NCAPH2: variants seen among roughly 807,000 people sequenced by gnomAD.
The protein encoded by NCAPH2 is non-SMC condensin II complex subunit H2, also known as condensin-2 complex subunit H2.
NCAPH2 carries 56 observed loss-of-function variants against 88.6 expected under a neutral mutation model. The observed-to-expected ratio is 0.63, with a 90% confidence interval of 0.51 to 0.79. The LOEUF is 0.79. Ranked by LOEUF, NCAPH2 falls within the 30% of genes least tolerant of loss-of-function variation. NCAPH2 has a pLI of 0.00. For missense variants in NCAPH2, 794 were observed against 792.0 expected, an observed-to-expected ratio of 1.00 and a Z score of -0.03; for synonymous variants, 378 against 313.6, an observed-to-expected ratio of 1.21 and a Z score of -2.17.
chr22:50,521,665 A>G, intron 11 of NCAPH2, 56 bp downstream of exon 11: 1 of 1,479,248 alleles, frequency 6.8e-7, no homozygotes, highest in Non-Finnish European at 9.4e-7. Flanking sequence ...TTCCTGGGGC[A>G]TGAGGTGGGG....
At chr22:50,522,636 C>G in intron 16 of NCAPH2, 35 bp from the exon 17 acceptor site, 1 of 1,613,582 alleles carries the variant, frequency 6.2e-7, no homozygotes, top group East Asian at 2.2e-5. Flanking sequence ...GAGCGTGGCC[C>G]CTTAGCTGCC....
Position 50,522,526 on chromosome 22 carries a change from C to T in NCAPH2, c.1332C>T (p.Tyr444=). The part of the protein sequence containing the change: ...AADDFLEPEE[Y]MEPEGADPRE... Reference sequence around the variant, plus strand: ...ATGACTTTCTAGAGCCTGAGGAGTACATGGAGCCCGAGGGAGCAGACCCCA... The same window carrying T: ...ATGACTTTCTAGAGCCTGAGGAGTATATGGAGCCCGAGGGAGCAGACCCCA... Residue 444 remains tyrosine (Y), a synonymous_variant, in exon 16 of 20, where the codon TAC becomes TAT. Coordinates refer to ENST00000420993, the MANE Select transcript of NCAPH2 (RefSeq NM_152299.4). 6.2e-7 allele frequency: 1 copy of T among 1,613,712 alleles called. No individual in the cohort carries two copies. Among genetic ancestry groups the T allele is most frequent in the Non-Finnish European group, 8.5e-7 (1 of 1,179,950 alleles).
At position 50,524,015 on chromosome 22, in the gene NCAPH2, A is replaced by T. The variant is rs369595419; in HGVS notation, c.*640A>T. Reference sequence around the variant, plus strand: ...AGCTCGTCTGGGCAGATGTCAGGGCAGTGAGTGAAGCCAAAGTACATCAGC... The same window carrying T: ...AGCTCGTCTGGGCAGATGTCAGGGCTGTGAGTGAAGCCAAAGTACATCAGC... On this transcript the variant is annotated 3_prime_UTR_variant, in exon 20 of 20. Coordinates refer to ENST00000420993, the MANE Select transcript of NCAPH2 (RefSeq NM_152299.4). 6.2e-7 allele frequency: 1 copy of T among 1,613,288 alleles called. No homozygotes were observed. The highest frequency in any genetic ancestry group is 8.5e-7 in the Non-Finnish European group (1 of 1,180,036).
In NCAPH2 at chr22:50,522,237, C is replaced by G; in HGVS notation, c.1219C>G (p.Leu407Val). 6.2e-7 allele frequency: 1 copy of G among 1,613,808 alleles called. No homozygotes were observed. The highest frequency in any genetic ancestry group is 2.2e-5 in the East Asian group (1 of 44,884). The change falls in exon 14 of 20, where the codon CTG becomes GTG. Residue 407 changes from leucine (L) to valine (V), a missense_variant. By Grantham distance (32) the Leu-to-Val change is conservative. Around this residue, in one of 2 missense-constraint regions of NCAPH2, gnomAD observed 735 missense variants for 696.3 expected, o/e 1.06. Coordinates refer to ENST00000420993, the MANE Select transcript of NCAPH2 (RefSeq NM_152299.4). The part of the protein sequence containing the change: ...VKEQLETLRK[L>V]QRREVAEQWL... ...GGAGCAGTTGGAAACTCTCCGGAAG[C>G]TGCAGAGGAGGGAGGCAAGTCCCAG...
chr22:50,508,418 G>C lies in NCAPH2; in HGVS notation c.81G>C (p.Ala27=), dbSNP rs956727985. ...CCAAGAACTGGGAGGTGGACGTGGC[G>C]GCCCAGCTGGGCGAGTATCTGGAGG... ...DLTKNWEVDV[A]AQLGEYLEEL... Residue 27 remains alanine, a synonymous_variant, in exon 1 of 20, where the codon GCG becomes GCC. Coordinates refer to ENST00000420993, the MANE Select transcript of NCAPH2 (RefSeq NM_152299.4). The C allele has an allele frequency of 1.2e-5, 17 of 1,464,542 alleles. No individual in the cohort carries two copies. Among genetic ancestry groups the C allele is most frequent in the Non-Finnish European group, 1.4e-5 (16 of 1,108,566 alleles). The allele number at this position is 1,464,542 out of a possible 1,614,324, so 90.7% of individuals were successfully genotyped here. A position where few individuals can be genotyped will look rare whatever the true frequency, so the allele number is the denominator to read the frequency against.
At position 50,523,951 on chromosome 22, in the gene NCAPH2, T is replaced by A; in HGVS notation, c.*576T>A. ...AGGCTGCACTGGAGGCAAACCAGGCTCTGCTTCCAGCTGCCGCACCACCTG... is the reference window on the plus strand; with the variant it reads ...AGGCTGCACTGGAGGCAAACCAGGCACTGCTTCCAGCTGCCGCACCACCTG... On this transcript the variant is annotated 3_prime_UTR_variant, in exon 20 of 20. Coordinates refer to ENST00000420993, the MANE Select transcript of NCAPH2 (RefSeq NM_152299.4). 6.2e-7 allele frequency: 1 copy of A among 1,612,434 alleles called. No individual in the cohort carries two copies. The highest frequency in any genetic ancestry group is 8.5e-7 in the Non-Finnish European group (1 of 1,178,976).
Position 50,522,897 on chromosome 22 carries a change from C to T in NCAPH2, c.1502C>T (p.Thr501Ile), listed in dbSNP as rs777238395. Residue 501 changes from threonine (T) to isoleucine (I), a missense_variant, in exon 18 of 20, where the codon ACA becomes ATA. By Grantham distance (89) the Thr-to-Ile change is moderately conservative. Transcript: ENST00000420993. ...CAGCGCATCAGGGACTGGGAGGACA[C>T]AGTGCAGCCTCTGCTCCAGGAGCAG... ...LSQRIRDWED[T>I]VQPLLQEQEQ... is the part of the protein sequence containing the mutation. The T allele has an allele frequency of 1.9e-6, 3 of 1,613,276 alleles. No individual in the cohort carries two copies. The highest frequency in any genetic ancestry group is 2.2e-5 in the South Asian group (2 of 91,096).
At chr22:50,521,058 C>T (rs1467437142) in intron 10 of NCAPH2, 22 bp downstream of exon 10, 12 of 1,548,462 alleles carry the variant, frequency 7.7e-6, no homozygotes, top group Middle Eastern at 3.5e-4. Flanking sequence ...GGGGCCCTGA[C>T]CCCCGGCAGG....
rs747263545 is a variant in NCAPH2 at position 50,524,531 on chromosome 22, G to T, written c.*1156G>T. ...CACCCATCTGAAGGACCCAGCCCAC[G>T]TTCAGGCTTAACAGGCATTTGCAGC... On this transcript the variant is annotated 3_prime_UTR_variant, in exon 20 of 20. Coordinates refer to ENST00000420993, the MANE Select transcript of NCAPH2 (RefSeq NM_152299.4). The T allele has an allele frequency of 1.1e-4, 107 of 1,014,462 alleles. No homozygotes were observed. Among genetic ancestry groups the T allele is most frequent in the Non-Finnish European group, 1.5e-4 (101 of 656,518 alleles). The allele number at this position is 1,014,462 out of a possible 1,614,324, so 62.8% of individuals were successfully genotyped here. A position where few individuals can be genotyped will look rare whatever the true frequency, so the allele number is the denominator to read the frequency against.
intron 8 of NCAPH2, 44 bp from the exon 9 acceptor site, chr22:50,519,146 C>T: frequency 6.6e-7 from 1 of 1,518,858 alleles, no homozygotes; most frequent in Non-Finnish European, 8.8e-7. Flanking sequence ...GCCGTCTGGT[C>T]TCGGCACTCC....
At chr22:50,516,907 G>A (rs964798931) in intron 2 of NCAPH2, among the ~76,000 whole-genome samples, 4 of 152,212 alleles carry the variant, frequency 2.6e-5, no homozygotes, top group Non-Finnish European at 4.4e-5. Context: ...CCACCCTCAC[G>A]GTGGGGCCTC....
At chr22:50,509,306 C>T (rs1354461942) in intron 1 of NCAPH2, among the ~76,000 whole-genome samples, 1 of 152,202 alleles carries the variant, frequency 6.6e-6, no homozygotes, top group African/African-American at 2.4e-5. Flanking sequence ...ATCTACTTTA[C>T]ATATCCAGCT....
In NCAPH2 at chr22:50,515,588, A is replaced by G. The variant is rs558935376; in HGVS notation, c.109-859A>G. ...ATTTTTTGTATTTTTAGTAGAGACG[A>G]GGTTTCACCGTGTTAGCCAGGATGG... is the stretch of plus-strand genomic sequence containing the variant. On this transcript the variant is annotated intron_variant, in intron 1 of 19. Transcript: ENST00000420993. 1.8e-3 allele frequency: 1,013 copies of G among 566,964 alleles called. 10 individuals are homozygous for G. Among genetic ancestry groups the G allele is most frequent in the African/African-American group, 0.017 (840 of 49,922 alleles). 35.1% of individuals were successfully genotyped at this position (566,964 alleles called of 1,614,324 possible).
intron 1 of NCAPH2, among the ~76,000 whole-genome samples, chr22:50,509,384 T>C (rs1353624475): frequency 1.3e-5 from 2 of 152,212 alleles, no homozygotes; most frequent in Non-Finnish European, 2.9e-5. Flanking sequence ...GAACTCTTCA[T>C]TTTTCTGCTT....
chr22:50,524,325 C>T lies in NCAPH2; in HGVS notation c.*950C>T, dbSNP rs112989119. The T allele has an allele frequency of 3.0e-5, 48 of 1,601,956 alleles. 1 individual carries two copies. The African/African-American group carries it at 5.5e-4, about 18-fold the overall frequency. On this transcript the variant is annotated 3_prime_UTR_variant, in exon 20 of 20. Transcript: ENST00000420993. ...AAAGCCAGGACCTCAGATGCAGGGC[C>T]TGGCCTCCCAGGGTCCCAGGGAGGA...
intron 1 of NCAPH2, among the ~76,000 whole-genome samples, chr22:50,511,058 G>A (rs1821300396): frequency 6.6e-6 from 1 of 151,516 alleles, no homozygotes; most frequent in Admixed American, 6.6e-5. Flanking sequence ...GTGTTAGCCA[G>A]GATGGTCTCG....
rs2068923574 is a variant in NCAPH2, at chr22:50,516,386, T to C, written c.109-61T>C. 11 of 1,540,164 alleles carry C rather than the reference T, an allele frequency of 7.1e-6. No individual in the cohort carries two copies. The East Asian group carries it at 2.3e-4, about 32-fold the overall frequency. ...AGACCAAAGATGGGTGGGGCTGCCC[T>C]GGAAGAAGCGAGTGCAGACTGGGCC... On this transcript the variant is annotated intron_variant, in intron 1 of 19. Transcript: ENST00000420993.
At position 50,518,127 on chromosome 22, in the gene NCAPH2, G is replaced by C; in HGVS notation, c.501-6G>C. ...CTCTACAGCAGGCGTGTTTTTGCCA[G>C]CACAGCCGTCAGGGTGAGGTCCTGG... On this transcript the variant is annotated splice_polypyrimidine_tract_variant and splice_region_variant and intron_variant, in intron 6 of 19. Transcript: ENST00000420993. The C allele has an allele frequency of 1.2e-6, 2 of 1,613,890 alleles. No individual in the cohort carries two copies. The highest frequency in any genetic ancestry group is 2.2e-5 in the East Asian group (1 of 44,884).
chr22:50,511,936 C>T (rs1445227877), intron 1 of NCAPH2, among the ~76,000 whole-genome samples: 4 of 152,012 alleles, frequency 2.6e-5, no homozygotes, highest in Admixed American at 6.6e-5. Context: ...TGTGAGCCAC[C>T]GTGCCTGGCC....
Sources: gnomAD v4.1 joint callset for allele counts (sites outside exome capture counted in the v4.1 genomes callset) on GRCh38, gnomAD v4.1.1 for gene constraint, gnomAD v4.1.1 regional missense constraint, MANE v1.5 for transcripts, NCBI Gene and HGNC (gene_info 2026-07-23, HGNC 2026-07-21) for gene names.